The following FASTKD1 variants were observed in gnomAD, a reference collection of about 807,000 sequenced individuals.
FASTKD1 encodes FAST kinase domain-containing protein 1, mitochondrial.
In FASTKD1, 94 loss-of-function variants were observed where a neutral mutation model predicts 90.9. The observed-to-expected ratio is 1.03, with a 90% CI of 0.88 to 1.23. FASTKD1 has a LOEUF of 1.23. Among genes scored for constraint, FASTKD1 ranks in the 50% most tolerant of loss-of-function variants. The pLI is 0.00. For missense variants in FASTKD1, 945 were observed against 993.5 expected (o/e 0.95, Z 0.66); for synonymous variants, 319 against 345.8 (o/e 0.92, Z 0.86).
At position 169,539,218 on chromosome 2, in the gene FASTKD1, G is replaced by A. The variant is rs145805171; in HGVS notation, c.1945+833C>T. On this transcript the variant is annotated intron_variant, in intron 10 of 14. Transcript: ENST00000453153. ...AATGGGAAGGTGGAGGTTGCAGTGA[G>A]CTAAGATTGAGCCACTGCACTCCAG... 3.5e-3 allele frequency among the ~76,000 whole-genome samples: 523 copies of A among 151,552 alleles called. 4 individuals carry two copies. Among genetic ancestry groups the A allele is most frequent in the Middle Eastern group, 0.014 (4 of 294 alleles).
At chr2:169,561,818 A>ATTATTTATTAATTTATTGTAAG (rs1559156695) in intron 4 of FASTKD1, among the ~76,000 whole-genome samples, 1 of 143,364 alleles carries the variant, frequency 7.0e-6, no homozygotes, top group Non-Finnish European at 1.5e-5. Flanking sequence ...TTTATTGTAA[A>ATTATTTATTAATTTATTGTAAG]TTATTTATTA....
At chr2:169,545,912 T>C (rs777216332) in intron 8 of FASTKD1, among the ~76,000 whole-genome samples, 3 of 152,036 alleles carry the variant, frequency 2.0e-5, no homozygotes, top group Non-Finnish European at 2.9e-5. Flanking sequence ...GAACAACAAA[T>C]CGCTGAAATA....
At chr2:169,538,222 C>G (rs961032559) in intron 10 of FASTKD1, 81 bp from the exon 11 acceptor site, 1 of 1,157,180 alleles carries the variant, frequency 8.6e-7, no homozygotes, top group Non-Finnish European at 1.2e-6. Flanking sequence ...TCATTTATCC[C>G]CACTATTAGT....
chr2:169,571,825 C>T lies in FASTKD1; in HGVS notation c.205G>A (p.Gly69Arg). 2 of 1,613,992 alleles carry T rather than the reference C, an allele frequency of 1.2e-6. No homozygotes were observed. The highest frequency in any genetic ancestry group is 2.2e-5 in the East Asian group (1 of 44,848). The change falls in exon 2 of 15, where the codon GGA (glycine) becomes AGA (arginine). Residue 69 changes from glycine to arginine, a missense_variant. Gly to Arg is a moderately radical substitution (Grantham distance 125). Transcript: ENST00000453153. ...NKAILSEKQV[G>R]CAFDMLWKLQ... is the part of the protein sequence containing the mutation. Reference sequence around the variant, plus strand: ...TTCCAAAGCATATCAAATGCACATCCCACTTGCTTTTCTGAAAGTATGGCT... The same window carrying T: ...TTCCAAAGCATATCAAATGCACATCTCACTTGCTTTTCTGAAAGTATGGCT...
At chr2:169,564,809 G>A (rs1038342876) in intron 3 of FASTKD1, among the ~76,000 whole-genome samples, 2 of 151,968 alleles carry the variant, frequency 1.3e-5, no homozygotes, top group Non-Finnish European at 2.9e-5. Context: ...ACAAATGAGT[G>A]AAAGCATGCG....
At chr2:169,531,231 G>A (rs1256870799) in intron 13 of FASTKD1, 121 bp downstream of exon 13, 6 of 1,021,662 alleles carry the variant, frequency 5.9e-6, no homozygotes, top group Non-Finnish European at 9.3e-6. Context: ...TACAAAGGTG[G>A]AATGCATGAC....
In FASTKD1 at chr2:169,563,125, A is replaced by AATTAC. The variant is rs547216062; in HGVS notation, c.572+99_572+100insGTAAT. ...TAACGAACTTCCAAGAGCTTAAGTA[A>AATTAC]CCTTAAGTCACATAAACTAAGAGTA... On this transcript the variant is annotated intron_variant, in intron 4 of 14. Coordinates refer to ENST00000453153, the MANE Select transcript of FASTKD1 (RefSeq NM_024622.6). 435 of 1,162,690 alleles carry AATTAC rather than the reference A, an allele frequency of 3.7e-4. No individual in the cohort carries two copies. The African/African-American group carries it at 5.7e-3, about 15-fold the overall frequency. 72.0% of individuals were successfully genotyped at this position (1,162,690 alleles called of 1,614,324 possible).
At chr2:169,566,339 C>T (rs1030461682) in intron 3 of FASTKD1, among the ~76,000 whole-genome samples, 1 of 152,096 alleles carries the variant, frequency 6.6e-6, no homozygotes, top group Non-Finnish European at 1.5e-5. Flanking sequence ...TAAAACAAGA[C>T]TGGCTATGTG....
In FASTKD1 at chr2:169,537,585, T is replaced by C. The variant is rs1684780888; in HGVS notation, c.2075-245A>G. On this transcript the variant is annotated intron_variant, in intron 11 of 14. Coordinates refer to ENST00000453153, the MANE Select transcript of FASTKD1 (RefSeq NM_024622.6). ...TTTTGTTAGAGATGGGGTTTCTCCA[T>C]GTTGGTCAGGCTGGTCTCGAACTCC... Among the ~76,000 whole-genome samples the C allele has an allele frequency of 2.0e-5, 3 of 152,220 alleles. 1 individual carries two copies. The South Asian group carries it at 6.2e-4, about 32-fold the overall frequency.
rs1197631743 is a variant in FASTKD1, at chr2:169,562,069, TAAA to T, written c.572+1153_572+1155del. Among the ~76,000 whole-genome samples the T allele has an allele frequency of 5.3e-5, 7 of 131,634 alleles. 3 individuals are homozygous for T. The highest frequency in any genetic ancestry group is 1.1e-4 in the African/African-American group (4 of 35,040). The allele number at this position is 131,634 out of a possible 152,430, so 86.4% of individuals were successfully genotyped here. A position where few individuals can be genotyped will look rare whatever the true frequency, so the allele number is the denominator to read the frequency against. ...AAATTAATTATTTATTAATTTATTG[TAAA>T]ATAATTATTTATTAATTTATTGTAA... is the stretch of plus-strand genomic sequence containing the variant. On this transcript the variant is annotated intron_variant, in intron 4 of 14. Coordinates refer to ENST00000453153, the MANE Select transcript of FASTKD1 (RefSeq NM_024622.6).
chr2:169,542,755 A>G (rs1257669429), intron 9 of FASTKD1, among the ~76,000 whole-genome samples: 1 of 152,226 alleles, frequency 6.6e-6, no homozygotes, highest in East Asian at 1.9e-4. Context: ...AATAATCAGC[A>G]TAAGAGCAGC....
intron 13 of FASTKD1, 28 bp from the exon 14 acceptor site, chr2:169,530,729 C>A: frequency 8.4e-7 from 1 of 1,186,666 alleles, no homozygotes. Context: ...ATATTTACTC[C>A]TAAAATCAGA....
In FASTKD1 at chr2:169,548,683, G is replaced by T. The variant is rs967806901; in HGVS notation, c.1215-1979C>A. ...GGAGGCGGAGGTTGCAGTGAGCCGA[G>T]ATCACGCCACTGCACTCCAGCCTGG... is the stretch of plus-strand genomic sequence containing the variant. On this transcript the variant is annotated intron_variant, in intron 7 of 14. Transcript: ENST00000453153. Among the ~76,000 whole-genome samples the T allele has an allele frequency of 1.6e-4, 19 of 120,242 alleles. No homozygotes were observed. The Admixed American group carries it at 2.1e-3, about 13-fold the overall frequency. 78.9% of individuals were successfully genotyped at this position (120,242 alleles called of 152,430 possible).
In FASTKD1 at chr2:169,560,445, T is replaced by A; in HGVS notation, c.913A>T (p.Ser305Cys). 6.3e-7 allele frequency: 1 copy of A among 1,582,582 alleles called. No individual in the cohort carries two copies. The highest frequency in any genetic ancestry group is 2.2e-5 in the East Asian group (1 of 44,660). Reference sequence around the variant, plus strand: ...AATGCTACAAACAATTTTACAAAGCTAGCAGGATGATTACACAGAGGAATC... The same window carrying A: ...AATGCTACAAACAATTTTACAAAGCAAGCAGGATGATTACACAGAGGAATC... ...EMIPLCNHPA[S>C]FVKLFVALGP... Residue 305 changes from serine to cysteine, a missense_variant, in exon 5 of 15, where the codon AGC becomes TGC. Coordinates refer to ENST00000453153, the MANE Select transcript of FASTKD1 (RefSeq NM_024622.6).
chr2:169,544,790 A>G lies in FASTKD1; in HGVS notation c.1747T>C (p.Leu583=), dbSNP rs781422946. 45 of 1,612,946 alleles carry G rather than the reference A, an allele frequency of 2.8e-5. No homozygotes were observed. Among genetic ancestry groups the G allele is most frequent in the Non-Finnish European group, 3.8e-5 (45 of 1,179,168 alleles). ...IPAIIRPFSV[L]NYDPPQRDEF... Reference sequence around the variant, plus strand: ...TCCCTTTGAGGTGGATCATAGTTCAATACGCTGAATGGACGAATAATAGCA... The same window carrying G: ...TCCCTTTGAGGTGGATCATAGTTCAGTACGCTGAATGGACGAATAATAGCA... Residue 583 remains leucine, a synonymous_variant, in exon 9 of 15, where the codon TTG becomes CTG. Coordinates refer to ENST00000453153, the MANE Select transcript of FASTKD1 (RefSeq NM_024622.6).
intron 12 of FASTKD1, chr2:169,536,976 T>C (rs1684745649): frequency 1.3e-5 from 4 of 299,420 alleles, no homozygotes; most frequent in Non-Finnish European, 2.4e-5. Flanking sequence ...TACTTAGAAT[T>C]GGTGGAGGAC....
At chr2:169,567,954 C>T (rs1469051412) in intron 3 of FASTKD1, among the ~76,000 whole-genome samples, 2 of 152,180 alleles carry the variant, frequency 1.3e-5, no homozygotes, top group African/African-American at 4.8e-5. Flanking sequence ...GCTATTATCT[C>T]AGCCCTTTTA....
At chr2:169,534,675 T>A (rs1684654054) in intron 12 of FASTKD1, among the ~76,000 whole-genome samples, 6 of 151,762 alleles carry the variant, frequency 4.0e-5, no homozygotes, top group Admixed American at 3.9e-4. Flanking sequence ...GCCAGGCTGA[T>A]CTCGAACTCC....
Position 169,544,851 on chromosome 2 carries a change from A to G in FASTKD1, c.1702-16T>C. On this transcript the variant is annotated splice_polypyrimidine_tract_variant and intron_variant, in intron 8 of 14. Transcript: ENST00000453153. ...AAGGATGGATCTGTATAAAAAGAAC[A>G]AAAAATTTATAGTTTAAACTTTAGG... is the stretch of plus-strand genomic sequence containing the variant. The G allele has an allele frequency of 7.0e-7, 1 of 1,437,368 alleles. No homozygotes were observed. Among genetic ancestry groups the G allele is most frequent in the Non-Finnish European group, 9.6e-7 (1 of 1,042,602 alleles). The allele number at this position is 1,437,368 out of a possible 1,614,324, so 89.0% of individuals were successfully genotyped here.
Sources: allele counts gnomAD v4.1 joint callset (sites outside exome capture counted in the v4.1 genomes callset), GRCh38; gene constraint gnomAD v4.1.1; transcripts MANE v1.5; gene names NCBI Gene and HGNC (gene_info 2026-07-23, HGNC 2026-07-21).